Variants in LRRTM3 observed in about 807,000 individuals in gnomAD.
LRRTM3 encodes the protein leucine-rich repeat transmembrane neuronal protein 3.
LRRTM3 carries 24 observed loss-of-function variants against 44.7 expected under a neutral mutation model. The ratio of observed to expected loss-of-function variants is 0.54; its 90% confidence interval spans 0.39 to 0.76. The LOEUF (loss-of-function observed/expected upper bound fraction) is 0.76, where lower values mean the gene tolerates loss of function less well. Ranked by LOEUF, LRRTM3 falls within the 30% of genes least tolerant of loss-of-function variation. LRRTM3 has a pLI of 0.00. For missense variants in LRRTM3, 587 were observed against 702.2 expected (o/e 0.84, Z 1.85); for synonymous variants, 277 against 278.7 (o/e 0.99, Z 0.06).
chr10:66,982,351 C>T (rs944284903), intron 2 of LRRTM3, among the ~76,000 whole-genome samples: 42 of 152,158 alleles, frequency 2.8e-4, no homozygotes, highest in African/African-American at 9.9e-4. Context: ...ACCAGCCTTG[C>T]CCCTCAGTAG....
At chr10:67,053,573 C>A (rs1330358460) in intron 2 of LRRTM3, among the ~76,000 whole-genome samples, 1 of 152,154 alleles carries the variant, frequency 6.6e-6, no homozygotes. Flanking sequence ...ACACAAACAG[C>A]ATAAATTCTT....
intron 2 of LRRTM3, among the ~76,000 whole-genome samples, chr10:67,062,924 T>G (rs1589682467): frequency 6.6e-6 from 1 of 152,308 alleles, no homozygotes; most frequent in South Asian, 2.1e-4. Flanking sequence ...TCAGCAGCAA[T>G]TTCCTGCAGT....
chr10:66,989,827 T>C (rs1429121677), intron 2 of LRRTM3, among the ~76,000 whole-genome samples: 1 of 152,156 alleles, frequency 6.6e-6, no homozygotes, highest in Non-Finnish European at 1.5e-5. Flanking sequence ...TGAGTGCTTT[T>C]ATTATCCACT....
chr10:66,963,816 TTTG>T (rs1849252596), intron 2 of LRRTM3, among the ~76,000 whole-genome samples: 1 of 151,236 alleles, frequency 6.6e-6, no homozygotes, highest in Admixed American at 6.6e-5. Flanking sequence ...TTCTCAAGGA[TTTG>T]TTGTTTTATC....
intron 2 of LRRTM3, among the ~76,000 whole-genome samples, chr10:67,045,656 C>T (rs1279016919): frequency 1.3e-5 from 2 of 152,212 alleles, no homozygotes; most frequent in African/African-American, 2.4e-5. Context: ...GCACTCCGCA[C>T]TGGACCCTAG....
chr10:67,015,233 C>T (rs977832330), intron 2 of LRRTM3: 1 of 152,218 alleles, frequency 6.6e-6, no homozygotes. Flanking sequence ...CATTTATATG[C>T]TATTCTCTAA....
intron 2 of LRRTM3, among the ~76,000 whole-genome samples, chr10:66,959,016 C>T (rs1006898066): frequency 6.6e-6 from 1 of 152,078 alleles, no homozygotes; most frequent in Non-Finnish European, 1.5e-5. Context: ...TCTACAGACC[C>T]TTCTCTCTTA....
chr10:67,037,108 C>A (rs929226791), intron 2 of LRRTM3, among the ~76,000 whole-genome samples: 1 of 152,014 alleles, frequency 6.6e-6, no homozygotes, highest in Non-Finnish European at 1.5e-5. Flanking sequence ...GGGTGAGGAT[C>A]TTGGAGTTTA....
Position 67,059,619 on chromosome 10 carries a change from T to C in LRRTM3, c.1537-37968T>C, listed in dbSNP as rs950792174. Among the ~76,000 whole-genome samples the C allele has an allele frequency of 3.3e-5, 5 of 152,212 alleles. No individual in the cohort carries two copies. In the East Asian group the frequency reaches 9.6e-4, roughly 29 times the overall value. On this transcript the variant is annotated intron_variant, in intron 2 of 2. Coordinates refer to ENST00000361320, the MANE Select transcript of LRRTM3 (RefSeq NM_178011.5). Reference sequence around the variant, plus strand: ...TGATTTCCTTTTTTTAAAGTTGTCATAGTCAGTTTGTTCTGATCTTGAGAA... The same window carrying C: ...TGATTTCCTTTTTTTAAAGTTGTCACAGTCAGTTTGTTCTGATCTTGAGAA...
At chr10:67,011,071 T>C (rs2133036973) in intron 2 of LRRTM3, among the ~76,000 whole-genome samples, 1 of 152,262 alleles carries the variant, frequency 6.6e-6, no homozygotes, top group Middle Eastern at 3.4e-3. Context: ...GGCTCACGCC[T>C]GTAATCCCAG....
intron 2 of LRRTM3, among the ~76,000 whole-genome samples, chr10:66,978,404 G>A (rs1007603698): frequency 4.6e-5 from 7 of 150,898 alleles, no homozygotes; most frequent in Middle Eastern, 3.2e-3. Context: ...GTGGGCGCCT[G>A]TAATCCCAGC....
chr10:66,961,525 A>G (rs1022959480), intron 2 of LRRTM3, among the ~76,000 whole-genome samples: 2 of 151,878 alleles, frequency 1.3e-5, no homozygotes, highest in African/African-American at 4.8e-5. Context: ...ATTTCATCTT[A>G]CCAACCTCTT....
chr10:67,020,554 A>AAAT (rs1361823202), intron 2 of LRRTM3, among the ~76,000 whole-genome samples: 1 of 152,188 alleles, frequency 6.6e-6, no homozygotes, highest in African/African-American at 2.4e-5. Flanking sequence ...ACCATTCAAC[A>AAAT]AATATTTACT....
chr10:66,996,397 G>A (rs1397583961), intron 2 of LRRTM3, among the ~76,000 whole-genome samples: 1 of 152,082 alleles, frequency 6.6e-6, no homozygotes, highest in Admixed American at 6.6e-5. Context: ...TGTAATCCTA[G>A]CACTTTGGGA....
intron 2 of LRRTM3, among the ~76,000 whole-genome samples, chr10:67,087,654 T>C (rs1857381087): frequency 6.6e-6 from 1 of 151,966 alleles, no homozygotes; most frequent in Non-Finnish European, 1.5e-5. Flanking sequence ...TCATCATTAG[T>C]GTGGATTTCT....
chr10:67,077,353 C>T (rs1004752371), intron 2 of LRRTM3, among the ~76,000 whole-genome samples: 10 of 152,236 alleles, frequency 6.6e-5, no homozygotes, highest in African/African-American at 2.4e-4. Context: ...CCTTCAAAAT[C>T]CCTAAAAATT....
chr10:67,025,923 C>G (rs1406739408), intron 2 of LRRTM3, among the ~76,000 whole-genome samples: 1 of 148,068 alleles, frequency 6.8e-6, no homozygotes, highest in African/African-American at 2.6e-5. Flanking sequence ...GAATACTATG[C>G]AGCCATAAAA....
intron 2 of LRRTM3, among the ~76,000 whole-genome samples, chr10:66,937,895 T>C (rs928291311): frequency 2.0e-5 from 3 of 152,134 alleles, no homozygotes; most frequent in Admixed American, 6.6e-5. Context: ...TTTCTGTTTT[T>C]TTTCCCCCTC....
intron 2 of LRRTM3, among the ~76,000 whole-genome samples, chr10:67,029,385 T>C (rs1853583528): frequency 2.0e-5 from 3 of 152,176 alleles, no homozygotes; most frequent in Admixed American, 2.0e-4. Context: ...GGTTGATTGA[T>C]AAATGGGGAA....
Sources: gnomAD v4.1 joint callset for allele counts (sites outside exome capture counted in the v4.1 genomes callset) on GRCh38, gnomAD v4.1.1 for gene constraint, MANE v1.5 for transcripts, NCBI Gene and HGNC (gene_info 2026-07-23, HGNC 2026-07-21) for gene names.